The following CRB1 variants were observed in gnomAD, a reference collection of about 807,000 sequenced individuals.
CRB1 encodes crumbs cell polarity complex component 1.
In CRB1, 83 loss-of-function variants were observed where a neutral mutation model predicts 120.0. The ratio of observed to expected loss-of-function variants is 0.69; its 90% CI spans 0.58 to 0.83. The LOEUF is 0.83. CRB1 is among the 40% of genes least tolerant of loss of function. CRB1 has a pLI of 0.00. For synonymous variants in CRB1, 625 were observed against 612.5 expected, an observed-to-expected ratio of 1.02 and a Z score of -0.30; for missense variants, 1,699 against 1,687.6, an observed-to-expected ratio of 1.01 and a Z score of -0.12.
chr1:197,250,162 C>A, the CRB1 span, among the ~76,000 whole-genome samples: 1 of 151,904 alleles, frequency 6.6e-6, no homozygotes, highest in Non-Finnish European at 1.5e-5. Context: ...GTATTCTATT[C>A]TACAGTTTAT....
At chr1:197,412,990 A>G (rs1663789876) in intron 5 of CRB1, among the ~76,000 whole-genome samples, 1 of 152,082 alleles carries the variant, frequency 6.6e-6, no homozygotes, top group Non-Finnish European at 1.5e-5. Context: ...TTCATGATAC[A>G]GTTACTGCCC....
Position 197,357,019 on chromosome 1 carries a change from G to A in CRB1, c.1171+6G>A, listed in dbSNP as rs770160426. On this transcript the variant is annotated splice_donor_region_variant and intron_variant, in intron 5 of 11. Transcript: ENST00000367400. ...CTGTCAGCCTGGATTCACAGGTGAG[G>A]CCAAGGAGATGGGATATGACTTGAC... is the stretch of plus-strand genomic sequence containing the variant. 3.7e-6 allele frequency: 6 copies of A among 1,614,098 alleles called. No homozygotes were observed. The East Asian group carries it at 1.1e-4, about 30-fold the overall frequency.
the CRB1 span, among the ~76,000 whole-genome samples, chr1:197,211,309 A>C: frequency 1.3e-5 from 2 of 152,248 alleles, no homozygotes; most frequent in African/African-American, 4.8e-5. Context: ...GACTTCCGAG[A>C]AATTAAAGAA....
rs768396277 is a variant in CRB1 at position 197,420,980 on chromosome 1, C to T, written c.1172-20C>T. 50 of 1,385,274 alleles carry T rather than the reference C, an allele frequency of 3.6e-5. No homozygotes were observed. The highest frequency in any genetic ancestry group is 5.1e-5 in the Non-Finnish European group (50 of 972,066). 85.8% of individuals were successfully genotyped at this position (1,385,274 alleles called of 1,614,324 possible). ...TGATGTGAATATATATAATTTTAGC[C>T]CTTTTTTATTATTTAACAGGAATCC... On this transcript the variant is annotated intron_variant, in intron 5 of 11. Transcript: ENST00000367400.
At chr1:197,451,266 A>G (rs1319379048) in intron 11 of CRB1, among the ~76,000 whole-genome samples, 1 of 152,190 alleles carries the variant, frequency 6.6e-6, no homozygotes, top group Non-Finnish European at 1.5e-5. Context: ...TATGTATAAC[A>G]TTTCTCAAGA....
At chr1:197,202,981 GTC>G in the CRB1 span, among the ~76,000 whole-genome samples, 2 of 140,254 alleles carry the variant, frequency 1.4e-5, no homozygotes, top group Admixed American at 7.1e-5. Context: ...GTGTGTGTGT[GTC>G]TGTGTGTGTG....
chr1:197,476,675 T>G (rs1217520899), intron 11 of CRB1, among the ~76,000 whole-genome samples: 1 of 152,136 alleles, frequency 6.6e-6, no homozygotes, highest in African/African-American at 2.4e-5. Context: ...ATAGAAAAGA[T>G]ATTTAAACTC....
the CRB1 span, chr1:197,222,456 G>A: frequency 2.6e-6 from 2 of 768,796 alleles, no homozygotes; most frequent in African/African-American, 1.7e-5. Flanking sequence ...GGTGAAGGGA[G>A]TGGACAAACT....
the CRB1 span, among the ~76,000 whole-genome samples, chr1:197,213,490 T>A: frequency 6.6e-6 from 1 of 152,042 alleles, no homozygotes; most frequent in African/African-American, 2.4e-5. Flanking sequence ...TATAAGGACC[T>A]CAAAAAAGGA....
intron 5 of CRB1, chr1:197,357,327 A>G (rs891760492): frequency 7.5e-6 from 3 of 398,452 alleles, no homozygotes; most frequent in African/African-American, 6.1e-5. Context: ...TATGCTATCA[A>G]ATTTGATAAT....
the CRB1 span, among the ~76,000 whole-genome samples, chr1:197,252,582 A>ATATATATATATATGTGTG: frequency 9.0e-4 from 14 of 15,490 alleles, no homozygotes; most frequent in Non-Finnish European, 1.7e-3. Context: ...ATATATATAT[A>ATATATATATATATGTGTG]TGTGTGTGTG....
the CRB1 span, among the ~76,000 whole-genome samples, chr1:197,244,734 C>A: frequency 2.6e-5 from 4 of 151,764 alleles, no homozygotes; most frequent in South Asian, 2.1e-4. Context: ...GCCATTATTT[C>A]TTCAAATAGT....
rs1471328495 is a variant in CRB1, at chr1:197,421,588, G to A, written c.1760G>A (p.Cys587Tyr). The A allele has an allele frequency of 1.2e-6, 2 of 1,614,206 alleles. No homozygotes were observed. The highest frequency in any genetic ancestry group is 8.5e-7 in the Non-Finnish European group (1 of 1,180,044). Reference protein sequence around the residue: ...AVTLTLIDDSCKEKCIAKAPT... With the variant: ...AVTLTLIDDSYKEKCIAKAPT... Reference sequence around the variant, plus strand: ...ACCCTTACCTTAATCGACGACTCCTGTAAGGAGAAATGCATCGCGAAAGCT... The same window carrying A: ...ACCCTTACCTTAATCGACGACTCCTATAAGGAGAAATGCATCGCGAAAGCT... The change falls in exon 6 of 12, where the codon TGT (cysteine) becomes TAT (tyrosine). Residue 587 changes from cysteine (C) to tyrosine (Y), a missense_variant. Coordinates refer to ENST00000367400, the MANE Select transcript of CRB1 (RefSeq NM_201253.3).
chr1:197,298,402 C>A (rs4915208), intron 1 of CRB1, among the ~76,000 whole-genome samples: 63,538 of 151,856 alleles, frequency 0.42, 15,317 homozygotes, highest in East Asian at 0.85. Context: ...ATTTACTCTG[C>A]AAGTAAATTG....
chr1:197,359,330 G>A (rs1038373477), intron 5 of CRB1, among the ~76,000 whole-genome samples: 1 of 151,198 alleles, frequency 6.6e-6, no homozygotes, highest in South Asian at 2.1e-4. Context: ...CATGCAATAT[G>A]TAAAGTTTTA....
intron 1 of CRB1, among the ~76,000 whole-genome samples, chr1:197,327,264 A>G (rs947505102): frequency 6.6e-6 from 1 of 152,212 alleles, no homozygotes; most frequent in African/African-American, 2.4e-5. Flanking sequence ...GATTGATAAT[A>G]AAAACCACTG....
chr1:197,407,357 G>A (rs976908750), intron 5 of CRB1, among the ~76,000 whole-genome samples: 15 of 152,140 alleles, frequency 9.9e-5, no homozygotes, highest in Non-Finnish European at 2.2e-4. Flanking sequence ...AGTAGTTTCT[G>A]CCTTTTATCA....
At chr1:197,408,227 A>G (rs1370104103) in intron 5 of CRB1, among the ~76,000 whole-genome samples, 1 of 152,174 alleles carries the variant, frequency 6.6e-6, no homozygotes, top group Non-Finnish European at 1.5e-5. Flanking sequence ...GCATTTCAAT[A>G]TGGGTAAGTA....
At chr1:197,352,684 T>C (rs1660169482) in intron 4 of CRB1, among the ~76,000 whole-genome samples, 1 of 110,090 alleles carries the variant, frequency 9.1e-6, no homozygotes, top group African/African-American at 2.8e-5. Context: ...TATTTTACTT[T>C]CCTTTTTTTT....
Sources: gnomAD v4.1 joint callset for allele counts (sites outside exome capture counted in the v4.1 genomes callset) on GRCh38, gnomAD v4.1.1 for gene constraint, MANE v1.5 for transcripts, NCBI Gene and HGNC (gene_info 2026-07-23, HGNC 2026-07-21) for gene names.